TRAF3IP1: variants seen among roughly 807,000 people sequenced by gnomAD.
TRAF3IP1 encodes TRAF3-interacting protein 1.
TRAF3IP1 carries 53 observed loss-of-function variants against 89.9 expected under a neutral mutation model. The ratio of observed to expected loss-of-function variants is 0.59; its 90% CI spans 0.47 to 0.74. The LOEUF (loss-of-function observed/expected upper bound fraction) is 0.74. TRAF3IP1 is among the 30% of genes least tolerant of loss of function. The pLI is 0.00. For missense variants in TRAF3IP1, 806 were observed against 866.1 expected (o/e 0.93, Z 0.87); for synonymous variants, 311 against 322.1 (o/e 0.97, Z 0.37).
intron 1 of TRAF3IP1, among the ~76,000 whole-genome samples, chr2:238,323,077 C>T (rs1428876232): frequency 7.2e-6 from 1 of 139,266 alleles, no homozygotes; most frequent in African/African-American, 2.9e-5. Context: ...AGTTATTGTT[C>T]ACAATTTTTT....
Position 238,329,026 on chromosome 2 carries a change from A to C in TRAF3IP1, c.599A>C (p.Asp200Ala), listed in dbSNP as rs1357026931. The C allele has an allele frequency of 9.7e-6, 15 of 1,551,746 alleles. No homozygotes were observed. Among genetic ancestry groups the C allele is most frequent in the Admixed American group, 2.0e-5 (1 of 50,956 alleles). ...CGCAAGCCAAGAGAAAAGGACAAGGACAAGGAGAAGGCCAAGGAGAATGGC... is the reference window on the plus strand; with the variant it reads ...CGCAAGCCAAGAGAAAAGGACAAGGCCAAGGAGAAGGCCAAGGAGAATGGC... ...EDRKPREKDK[D>A]KEKAKENGGN... Residue 200 changes from aspartate (D) to alanine (A), a missense_variant, in exon 5 of 17, where the codon GAC (aspartate) becomes GCC (alanine). Coordinates refer to ENST00000373327, the MANE Select transcript of TRAF3IP1 (RefSeq NM_015650.4).
At chr2:238,381,325 C>A (rs1430148780) in intron 15 of TRAF3IP1, among the ~76,000 whole-genome samples, 8 of 152,134 alleles carry the variant, frequency 5.3e-5, no homozygotes, top group Non-Finnish European at 1.0e-4. Flanking sequence ...TTGGGACTTG[C>A]AGATGGGGCT....
At chr2:238,343,960 GT>G (rs111234659) in intron 8 of TRAF3IP1, among the ~76,000 whole-genome samples, 5 of 146,696 alleles carry the variant, frequency 3.4e-5, no homozygotes, top group South Asian at 2.2e-4. Flanking sequence ...TGCCCAGCCT[GT>G]TTTTTTTTTC....
intron 5 of TRAF3IP1, among the ~76,000 whole-genome samples, chr2:238,330,356 A>G (rs1313488741): frequency 6.6e-6 from 1 of 152,230 alleles, no homozygotes; most frequent in Non-Finnish European, 1.5e-5. Context: ...CAATGTGTGA[A>G]TTCTTTCTGG....
intron 1 of TRAF3IP1, among the ~76,000 whole-genome samples, chr2:238,324,344 A>G (rs1313124721): frequency 6.6e-6 from 1 of 152,138 alleles, no homozygotes; most frequent in East Asian, 1.9e-4. Context: ...CTGGGATTAC[A>G]GGTGTAAGCC....
chr2:238,356,061 C>A lies in TRAF3IP1; in HGVS notation c.1670C>A (p.Ser557Ter). The change falls in exon 15 of 17, where the codon TCA becomes TAA. Residue 557 changes from serine to a stop codon, truncating the protein, a stop_gained. Transcript: ENST00000373327. LOFTEE classifies it high-confidence loss of function. Reference protein sequence around the residue: ...TKKDYEKLQQSPKPGEKERSL... With the variant: ...TKKDYEKLQQ ...AAAGATTATGAGAAATTGCAGCAGT[C>A]ACCCAAACCTGGGGAGAAGGTAATG... 1 of 1,613,704 alleles carries A rather than the reference C, an allele frequency of 6.2e-7. No homozygotes were observed. Among genetic ancestry groups the A allele is most frequent in the South Asian group, 1.1e-5 (1 of 91,048 alleles).
chr2:238,332,946 A>C (rs186992083), intron 6 of TRAF3IP1, 51 bp downstream of exon 6: 1 of 1,414,078 alleles, frequency 7.1e-7, no homozygotes, highest in East Asian at 2.3e-5. Context: ...AGCTGTGTTG[A>C]AATAGTGAAT....
Position 238,398,779 on chromosome 2 carries a change from T to G in TRAF3IP1, c.1936T>G (p.Leu646Val), listed in dbSNP as rs756698037. The G allele has an allele frequency of 3.7e-6, 6 of 1,610,564 alleles. No homozygotes were observed. Among genetic ancestry groups the G allele is most frequent in the Non-Finnish European group, 5.1e-6 (6 of 1,179,018 alleles). Residue 646 changes from leucine to valine, a missense_variant, in exon 17 of 17, where the codon TTA becomes GTA. This residue lies in a region of TRAF3IP1 where 70 missense variants were observed against 67.8 expected (regional missense o/e 1.03). Coordinates refer to ENST00000373327, the MANE Select transcript of TRAF3IP1 (RefSeq NM_015650.4). ...GATCACAGACTGTGCCGTGGAGCCC[T>G]TAAAGGCTGAGCTCGCGGAGCTGGA... Reference protein sequence around the residue: ...QRITDCAVEPLKAELAELEQL... With the variant: ...QRITDCAVEPVKAELAELEQL...
At chr2:238,381,111 G>GTT (rs34082601) in intron 15 of TRAF3IP1, among the ~76,000 whole-genome samples, 40 of 136,834 alleles carry the variant, frequency 2.9e-4, no homozygotes, top group South Asian at 4.7e-4. Context: ...GGATGCTTGG[G>GTT]TTTTTTTTTT....
intron 7 of TRAF3IP1, among the ~76,000 whole-genome samples, chr2:238,334,610 A>C (rs1698297185): frequency 6.6e-6 from 1 of 152,210 alleles, no homozygotes; most frequent in Non-Finnish European, 1.5e-5. Context: ...TGAAGTATGA[A>C]GTTACTTTGA....
At chr2:238,374,247 G>T (rs1700224524) in intron 15 of TRAF3IP1, among the ~76,000 whole-genome samples, 2 of 152,200 alleles carry the variant, frequency 1.3e-5, no homozygotes, top group Non-Finnish European at 2.9e-5. Flanking sequence ...TGCCCATTCA[G>T]TATGATATTG....
intron 5 of TRAF3IP1, among the ~76,000 whole-genome samples, chr2:238,332,288 C>T (rs924442253): frequency 3.3e-5 from 5 of 152,132 alleles, no homozygotes; most frequent in African/African-American, 1.2e-4. Flanking sequence ...TGATTTAAGG[C>T]GTGAGATAAG....
chr2:238,331,518 T>C (rs773407644), intron 5 of TRAF3IP1, among the ~76,000 whole-genome samples: 2 of 152,120 alleles, frequency 1.3e-5, no homozygotes, highest in African/African-American at 2.4e-5. Context: ...GAGGCTGATA[T>C]TTGGGAACAT....
At chr2:238,324,226 C>G (rs1697699530) in intron 1 of TRAF3IP1, among the ~76,000 whole-genome samples, 1 of 152,106 alleles carries the variant, frequency 6.6e-6, no homozygotes, top group Admixed American at 6.5e-5. Context: ...CACCACCATG[C>G]CTGGCTAATT....
intron 15 of TRAF3IP1, among the ~76,000 whole-genome samples, chr2:238,366,935 G>T (rs866560978): frequency 6.6e-6 from 1 of 151,978 alleles, no homozygotes; most frequent in African/African-American, 2.4e-5. Context: ...AGGCCGAGGC[G>T]GGCAGATCAC....
intron 12 of TRAF3IP1, among the ~76,000 whole-genome samples, chr2:238,352,547 G>A (rs868859163): frequency 1.3e-5 from 2 of 152,216 alleles, no homozygotes; most frequent in Middle Eastern, 3.4e-3. Flanking sequence ...CTGTGGGGAC[G>A]GGAGGCCAGG....
At chr2:238,395,031 G>C (rs866033908) in intron 15 of TRAF3IP1, among the ~76,000 whole-genome samples, 1 of 152,144 alleles carries the variant, frequency 6.6e-6, no homozygotes, top group Non-Finnish European at 1.5e-5. Flanking sequence ...GCCCCTTACC[G>C]GTCTGGAGTG....
rs1699244481 is a variant in TRAF3IP1 at position 238,353,070 on chromosome 2, A to G, written c.1576-103A>G. Reference sequence around the variant, plus strand: ...CCTGTAATTTTTCAGTTAGTTTTCTACCTTCGTTAATTTTGTTGTTCTTTT... The same window carrying G: ...CCTGTAATTTTTCAGTTAGTTTTCTGCCTTCGTTAATTTTGTTGTTCTTTT... On this transcript the variant is annotated intron_variant, in intron 13 of 16. Coordinates refer to ENST00000373327, the MANE Select transcript of TRAF3IP1 (RefSeq NM_015650.4). 2.6e-6 allele frequency: 4 copies of G among 1,552,724 alleles called. No homozygotes were observed. The African/African-American group carries it at 4.1e-5, about 16-fold the overall frequency.
chr2:238,390,273 G>A (rs1700939985), intron 15 of TRAF3IP1, among the ~76,000 whole-genome samples: 1 of 152,170 alleles, frequency 6.6e-6, no homozygotes. Flanking sequence ...GTGGTTCTGC[G>A]ATGTTCACAG....
Sources: gnomAD v4.1 joint callset for allele counts (sites outside exome capture counted in the v4.1 genomes callset) on GRCh38, gnomAD v4.1.1 for gene constraint, gnomAD v4.1.1 regional missense constraint, MANE v1.5 for transcripts, NCBI Gene and HGNC (gene_info 2026-07-23, HGNC 2026-07-21) for gene names.